Variants in UGP2 observed in about 807,000 individuals in gnomAD.
The protein encoded by UGP2 is UDP-glucose pyrophosphorylase 2, also known as UTP--glucose-1-phosphate uridylyltransferase.
Under a neutral mutation model 49.0 loss-of-function variants are expected in UGP2, and 40 were observed. The ratio of observed to expected loss-of-function variants is 0.82; its 90% confidence interval spans 0.63 to 1.06. The LOEUF is 1.06. Ranked by LOEUF, UGP2 falls within the 50% of genes least tolerant of loss-of-function variation. The pLI is 0.00. For missense variants in UGP2, 460 were observed against 603.5 expected, an observed-to-expected ratio of 0.76 and a Z score of 2.49; for synonymous variants, 225 against 213.0, an observed-to-expected ratio of 1.06 and a Z score of -0.49.
In UGP2 at chr2:63,857,945, T is replaced by C; in HGVS notation, c.255+9T>C. ...GACCCCCTGAAGATTCGGTAAGTTT[T>C]AGATAAAATGTAGGAAAATGTAGGG... On this transcript the variant is annotated intron_variant, in intron 3 of 9. Coordinates refer to ENST00000337130, the MANE Select transcript of UGP2 (RefSeq NM_006759.4). 6.2e-7 allele frequency: 1 copy of C among 1,612,248 alleles called. No homozygotes were observed. Among genetic ancestry groups the C allele is most frequent in the Non-Finnish European group, 8.5e-7 (1 of 1,179,018 alleles).
Position 63,886,361 on chromosome 2 carries a change from T to C in UGP2, c.894T>C (p.Tyr298=), listed in dbSNP as rs1671672625. Residue 298 remains tyrosine (Y), a synonymous_variant, in exon 7 of 10, where the codon TAT becomes TAC. Coordinates refer to ENST00000337130, the MANE Select transcript of UGP2 (RefSeq NM_006759.4). ...TCTAGGGCGGGACACTCACTCAATA[T>C]GAAGGCAAACTGAGACTGGTGGAAA... ...ADVKGGTLTQ[Y]EGKLRLVEIA... 1 of 1,614,192 alleles carries C rather than the reference T, an allele frequency of 6.2e-7. No individual in the cohort carries two copies. Among genetic ancestry groups the C allele is most frequent in the Non-Finnish European group, 8.5e-7 (1 of 1,180,022 alleles).
chr2:63,855,145 G>GTT (rs1669303844), intron 1 of UGP2, among the ~76,000 whole-genome samples: 1 of 152,108 alleles, frequency 6.6e-6, no homozygotes. Flanking sequence ...GTTACATTTA[G>GTT]TTTTATCTTA....
intron 3 of UGP2, among the ~76,000 whole-genome samples, chr2:63,880,387 T>C (rs1005257167): frequency 1.2e-4 from 18 of 152,056 alleles, no homozygotes; most frequent in African/African-American, 4.1e-4. Context: ...TTGCCCAGAC[T>C]AGTCTCAAAC....
chr2:63,884,152 CTTGTTTATAACAG>C, intron 5 of UGP2, 59 bp downstream of exon 5: 1 of 1,592,270 alleles, frequency 6.3e-7, no homozygotes, highest in African/African-American at 1.3e-5. Flanking sequence ...ACTTCTTTAT[CTTGTTTATAACAG>C]AGCAGTTTCA....
At position 63,884,076 on chromosome 2, in the gene UGP2, C is replaced by T; in HGVS notation, c.558C>T (p.Tyr186=). ...ACAATCATTGTCGTGTGAAAATCTA[C>T]ACTTTCAATCAAAGCAGGTACAATG... ...QKYNHCRVKI[Y]TFNQSRYPRI... is the part of the protein sequence containing the mutation. The change falls in exon 5 of 10, where the codon TAC becomes TAT. Residue 186 remains tyrosine (Y), a synonymous_variant. Coordinates refer to ENST00000337130, the MANE Select transcript of UGP2 (RefSeq NM_006759.4). 1.2e-6 allele frequency: 2 copies of T among 1,612,522 alleles called. No homozygotes were observed. Among genetic ancestry groups the T allele is most frequent in the South Asian group, 1.1e-5 (1 of 90,658 alleles).
At chr2:63,867,520 T>TA (rs1670262971) in intron 3 of UGP2, among the ~76,000 whole-genome samples, 1 of 152,222 alleles carries the variant, frequency 6.6e-6, no homozygotes, top group Non-Finnish European at 1.5e-5. Flanking sequence ...ATGCTATCGT[T>TA]ACACATTCAA....
intron 3 of UGP2, among the ~76,000 whole-genome samples, chr2:63,878,002 A>G (rs996998567): frequency 1.0e-4 from 3 of 28,740 alleles, no homozygotes; most frequent in East Asian, 2.4e-3. Context: ...TCCGTCTCAA[A>G]AAAAAAAAAA....
chr2:63,883,839 A>C (rs1347143527), intron 4 of UGP2, 121 bp from the exon 5 acceptor site: 1 of 1,265,280 alleles, frequency 7.9e-7, no homozygotes, highest in East Asian at 2.5e-5. Context: ...AAATCTGTAT[A>C]TTTGGCTACG....
intron 3 of UGP2, among the ~76,000 whole-genome samples, chr2:63,869,544 T>G (rs1670403660): frequency 6.6e-6 from 1 of 152,224 alleles, no homozygotes; most frequent in South Asian, 2.1e-4. Flanking sequence ...AAAGGCACAC[T>G]ATTCAAGTTT....
intron 3 of UGP2, among the ~76,000 whole-genome samples, chr2:63,872,224 A>G (rs1670604002): frequency 2.0e-5 from 3 of 152,326 alleles, no homozygotes; most frequent in Middle Eastern, 3.4e-3. Context: ...TCAATACTAT[A>G]TTTCATCAAA....
At chr2:63,884,789 A>G (rs924427792) in intron 5 of UGP2, among the ~76,000 whole-genome samples, 1 of 152,032 alleles carries the variant, frequency 6.6e-6, no homozygotes, top group African/African-American at 2.4e-5. Context: ...GTGCCCTTGT[A>G]GCCCAGCTAC....
intron 8 of UGP2, chr2:63,889,056 C>G (rs574999677): frequency 1.3e-5 from 2 of 152,232 alleles, no homozygotes; most frequent in Admixed American, 6.5e-5. Flanking sequence ...CATGTGTCCT[C>G]AGAGTCAAAT....
chr2:63,842,681 A>AT (rs1671651917), intron 1 of UGP2: 18 of 1,310,900 alleles, frequency 1.4e-5, no homozygotes, highest in Non-Finnish European at 1.5e-5. Flanking sequence ...TGCGTCTCAG[A>AT]TTCACTTATT....
At chr2:63,876,636 A>T (rs1287963685) in intron 3 of UGP2, among the ~76,000 whole-genome samples, 1 of 152,230 alleles carries the variant, frequency 6.6e-6, no homozygotes. Context: ...ATAAAGAACC[A>T]TGGTTCCTTG....
At chr2:63,850,134 C>CT (rs914466113) in intron 1 of UGP2, among the ~76,000 whole-genome samples, 7 of 152,116 alleles carry the variant, frequency 4.6e-5, no homozygotes, top group African/African-American at 1.7e-4. Context: ...AAGAGCTACT[C>CT]TATTGTATAA....
Position 63,891,246 on chromosome 2 carries a change from C to A in UGP2, c.*19C>A, listed in dbSNP as rs751559316. 3.2e-6 allele frequency: 5 copies of A among 1,583,750 alleles called. No individual in the cohort carries two copies. Among genetic ancestry groups the A allele is most frequent in the Non-Finnish European group, 4.3e-6 (5 of 1,154,430 alleles). ...CCACTGAAATGAAAAATACTGTGGA[C>A]ACTTAAATAATGGGCTAGTTTCTTA... is the stretch of plus-strand genomic sequence containing the variant. On this transcript the variant is annotated 3_prime_UTR_variant, in exon 10 of 10. Coordinates refer to ENST00000337130, the MANE Select transcript of UGP2 (RefSeq NM_006759.4).
chr2:63,842,260 C>T, intron 1 of UGP2, 56 bp downstream of exon 1: 2 of 1,608,762 alleles, frequency 1.2e-6, no homozygotes, highest in South Asian at 1.1e-5. Context: ...TGGGTACTGA[C>T]AGTGGAGAGG....
intron 3 of UGP2, among the ~76,000 whole-genome samples, chr2:63,880,398 C>T (rs1223925615): frequency 2.0e-5 from 3 of 151,908 alleles, no homozygotes; most frequent in Non-Finnish European, 4.4e-5. Context: ...AGTCTCAAAC[C>T]CCTAGGCTGC....
intron 3 of UGP2, among the ~76,000 whole-genome samples, chr2:63,860,991 CAGTG>C (rs1266009570): frequency 5.9e-5 from 9 of 152,058 alleles, no homozygotes; most frequent in African/African-American, 2.2e-4. Context: ...TTTTAGCTCT[CAGTG>C]AGTACATAGA....
Sources: allele counts gnomAD v4.1 joint callset (sites outside exome capture counted in the v4.1 genomes callset), GRCh38; gene constraint gnomAD v4.1.1; transcripts MANE v1.5; gene names NCBI Gene and HGNC (gene_info 2026-07-23, HGNC 2026-07-21).